RARB: variants seen among roughly 807,000 people sequenced by gnomAD.
RARB encodes retinoic acid receptor beta, also known as HBV-activated protein.
In RARB, 17 loss-of-function variants were observed where a neutral mutation model predicts 51.9. The observed-to-expected ratio is 0.33, with a 90% confidence interval of 0.22 to 0.49. The LOEUF (loss-of-function observed/expected upper bound fraction) is 0.49, where lower values mean the gene tolerates loss of function less well. Ranked by LOEUF, RARB falls within the 20% of genes least tolerant of loss-of-function variation. The probability of loss-of-function intolerance (pLI) is 0.99; values close to 1 mark genes in which losing one functional copy is unlikely to be tolerated. For synonymous variants in RARB, 215 were observed against 195.4 expected (o/e 1.10, Z -0.84); for missense variants, 369 against 550.8 (o/e 0.67, Z 3.30).
chr3:25,016,849 A>G (rs533247480), intron 2 of RARB, among the ~76,000 whole-genome samples: 1 of 151,998 alleles, frequency 6.6e-6, no homozygotes, highest in African/African-American at 2.4e-5. Context: ...AAGAACAAAC[A>G]CCGGTAAAAG....
At chr3:24,944,200 T>C (rs1695727261) in intron 2 of RARB, among the ~76,000 whole-genome samples, 1 of 152,196 alleles carries the variant, frequency 6.6e-6, no homozygotes, top group Non-Finnish European at 1.5e-5. Context: ...CTTGTTTCTC[T>C]CACTCACGGG....
intron 2 of RARB, among the ~76,000 whole-genome samples, chr3:24,941,530 C>T (rs544744400): frequency 5.9e-5 from 9 of 152,176 alleles, no homozygotes; most frequent in African/African-American, 1.9e-4. Flanking sequence ...CCAGCATGCC[C>T]GGCTCATTTT....
In RARB at chr3:25,388,906, A is replaced by C. The variant is rs552179246; in HGVS notation, c.179-72287A>C. ...TTACTAGGTTTTTCTTCAAAGTTGT[A>C]AGAGGAGAGAGATTTATGATTTAGT... On this transcript the variant is annotated intron_variant, in intron 5 of 11. Transcript: ENST00000383772. Among the ~76,000 whole-genome samples the C allele has an allele frequency of 1.0e-3, 152 of 152,316 alleles. 2 individuals are homozygous for C. Among genetic ancestry groups the C allele is most frequent in the Middle Eastern group, 3.4e-3 (1 of 294 alleles).
chr3:25,104,717 T>C (rs1699465952), intron 3 of RARB, among the ~76,000 whole-genome samples: 1 of 152,142 alleles, frequency 6.6e-6, no homozygotes, highest in African/African-American at 2.4e-5. Context: ...CAAAGGCCCA[T>C]CAATGTTAGA....
chr3:25,150,726 A>C (rs969073243), intron 4 of RARB, among the ~76,000 whole-genome samples: 3 of 152,230 alleles, frequency 2.0e-5, no homozygotes, highest in Non-Finnish European at 4.4e-5. Context: ...CCAGGAAAGA[A>C]CTTCTTTGAA....
intron 3 of RARB, among the ~76,000 whole-genome samples, chr3:25,130,176 G>T (rs531815159): frequency 6.6e-6 from 1 of 152,132 alleles, no homozygotes; most frequent in East Asian, 1.9e-4. Flanking sequence ...TTTACAGGTA[G>T]GGGAATAAAG....
chr3:25,576,448 G>A (rs1350946665), intron 4 of RARB, among the ~76,000 whole-genome samples: 1 of 152,088 alleles, frequency 6.6e-6, no homozygotes, highest in Admixed American at 6.5e-5. Flanking sequence ...CTAGGGCCTT[G>A]GACTATACCC....
chr3:25,529,926 C>A (rs896901011), intron 3 of RARB, among the ~76,000 whole-genome samples: 4 of 152,128 alleles, frequency 2.6e-5, no homozygotes, highest in Non-Finnish European at 5.9e-5. Flanking sequence ...CTCAGTGGCT[C>A]GCTATTTTCT....
intron 2 of RARB, among the ~76,000 whole-genome samples, chr3:25,002,320 A>T (rs1697178009): frequency 6.6e-6 from 1 of 152,148 alleles, no homozygotes; most frequent in African/African-American, 2.4e-5. Flanking sequence ...GAAACACAGA[A>T]CCCTGTAGAT....
chr3:24,908,778 C>T (rs529787287), intron 2 of RARB, among the ~76,000 whole-genome samples: 1 of 145,210 alleles, frequency 6.9e-6, no homozygotes, highest in Non-Finnish European at 1.5e-5. Context: ...AGACCTGTTA[C>T]CTTTGTAATT....
chr3:24,979,888 G>A (rs1696605595), intron 2 of RARB, among the ~76,000 whole-genome samples: 1 of 152,102 alleles, frequency 6.6e-6, no homozygotes, highest in Non-Finnish European at 1.5e-5. Flanking sequence ...TTACAATTTG[G>A]CATGTTTTTG....
chr3:24,925,893 C>T (rs997002102), intron 2 of RARB, among the ~76,000 whole-genome samples: 1 of 151,986 alleles, frequency 6.6e-6, no homozygotes, highest in Non-Finnish European at 1.5e-5. Flanking sequence ...TCTTAACTAG[C>T]TTGTATTTAC....
At chr3:24,834,638 G>A (rs1456790160) in intron 1 of RARB, among the ~76,000 whole-genome samples, 1 of 152,186 alleles carries the variant, frequency 6.6e-6, no homozygotes, top group Admixed American at 6.5e-5. Flanking sequence ...GAGCAGTGAT[G>A]ACGTCAATGT....
At chr3:25,251,834 G>A (rs1292719944) in intron 5 of RARB, among the ~76,000 whole-genome samples, 1 of 151,986 alleles carries the variant, frequency 6.6e-6, no homozygotes, top group Non-Finnish European at 1.5e-5. Context: ...TCTTGGTGAT[G>A]TCATTTGAAG....
At chr3:25,580,447 C>A in intron 4 of RARB, 99 bp from the exon 5 acceptor site, 2 of 1,182,898 alleles carry the variant, frequency 1.7e-6, no homozygotes, top group Non-Finnish European at 1.2e-6. Context: ...CTGCTCAAGG[C>A]TGACATGTCA....
At chr3:25,189,672 A>C (rs1428424325) in intron 5 of RARB, among the ~76,000 whole-genome samples, 1 of 152,058 alleles carries the variant, frequency 6.6e-6, no homozygotes, top group Non-Finnish European at 1.5e-5. Context: ...GGATTACTTG[A>C]AGTCAGGAGT....
At position 25,183,571 on chromosome 3, in the gene RARB, A is replaced by C. The variant is rs149260013; in HGVS notation, c.178+8996A>C. On this transcript the variant is annotated intron_variant, in intron 5 of 11. Transcript: ENST00000383772. The stretch of plus-strand genomic sequence containing the variant: ...AAAACCATTCATATTACAAGTTCAT[A>C]TTCAAGTTTCAGTCACCGAGGGATT... Among the ~76,000 whole-genome samples the C allele has an allele frequency of 1.8e-3, 270 of 152,332 alleles. 1 individual carries two copies. Among genetic ancestry groups the C allele is most frequent in the African/African-American group, 5.8e-3 (240 of 41,586 alleles).
chr3:25,516,985 A>T (rs1698195690), intron 3 of RARB, among the ~76,000 whole-genome samples: 1 of 152,178 alleles, frequency 6.6e-6, no homozygotes, highest in African/African-American at 2.4e-5. Context: ...ACGGCAGAAA[A>T]GAAAGCAGTA....
At chr3:25,024,762 C>T (rs572489384) in intron 2 of RARB, among the ~76,000 whole-genome samples, 21 of 151,938 alleles carry the variant, frequency 1.4e-4, no homozygotes, top group African/African-American at 4.6e-4. Flanking sequence ...AGACCAGCCT[C>T]GCCAATATGG....
Sources: allele counts gnomAD v4.1 joint callset (sites outside exome capture counted in the v4.1 genomes callset), GRCh38; gene constraint gnomAD v4.1.1; transcripts MANE v1.5; gene names NCBI Gene and HGNC (gene_info 2026-07-23, HGNC 2026-07-21).